PRAME: variants seen among roughly 807,000 people sequenced by gnomAD.
The protein encoded by PRAME is melanoma antigen preferentially expressed in tumors.
In PRAME, 21 loss-of-function variants were observed where a neutral mutation model predicts 32.1. That is an observed-to-expected ratio of 0.65 (90% CI 0.46 to 0.94). The LOEUF is 0.94. Among genes scored for constraint, PRAME ranks in the 40% least tolerant of loss-of-function variants. The pLI, the probability that PRAME is intolerant of heterozygous loss-of-function variation, is 0.00. For missense variants in PRAME, 651 were observed against 622.3 expected (o/e 1.05, Z -0.49); for synonymous variants, 274 against 251.5 (o/e 1.09, Z -0.85).
At position 22,550,879 on chromosome 22, in the gene PRAME, A is replaced by G. The variant is rs1387772708; in HGVS notation, c.232T>C (p.Phe78Leu). 1 of 1,613,818 alleles carries G rather than the reference A, an allele frequency of 6.2e-7. No homozygotes were observed. The change falls in exon 4 of 6, where the codon TTC becomes CTC. Residue 78 changes from phenylalanine (F) to leucine (L), a missense_variant. Phe to Leu is a conservative substitution (Grantham distance 22). Coordinates refer to ENST00000405655, the MANE Select transcript of PRAME (RefSeq NM_206956.3). ...AGCACTCCCAGAGGGAGGCAGGTGA[A>G]GGGCCAGGCCTGCACCATTGCCTTC... The part of the protein sequence containing the change: ...TLKAMVQAWP[F>L]TCLPLGVLMK...
chr22:22,549,784 G>A lies in PRAME; in HGVS notation c.895C>T (p.Gln299Ter), dbSNP rs1159779146. 1.2e-6 allele frequency: 2 copies of A among 1,613,740 alleles called. No individual in the cohort carries two copies. Among genetic ancestry groups the A allele is most frequent in the South Asian group, 1.1e-5 (1 of 91,052 alleles). ...AATAAAGAGTCCACATAGAGAGCCT[G>A]CAGGCACTGCAGACTGAGGAACTGA... ...TSQFLSLQCLQALYVDSLFFL... is the reference protein window; with the variant it reads ...TSQFLSLQCL Residue 299 changes from glutamine to a stop codon, truncating the protein, a stop_gained, in exon 5 of 6, where the codon CAG becomes TAG. Transcript: ENST00000405655. LOFTEE classifies it high-confidence loss of function.
Position 22,547,974 on chromosome 22 carries a change from G to C in PRAME, c.*93C>G. On this transcript the variant is annotated 3_prime_UTR_variant, in exon 6 of 6. Coordinates refer to ENST00000405655, the MANE Select transcript of PRAME (RefSeq NM_206956.3). ...CCTCACTCACACTGAACATTTGTCT[G>C]AAACTGTGGCTGCTTTGTTGCTTCA... 1 of 1,332,332 alleles carries C rather than the reference G, an allele frequency of 7.5e-7. No homozygotes were observed. The highest frequency in any genetic ancestry group is 1.0e-6 in the Non-Finnish European group (1 of 964,936). The allele number at this position is 1,332,332 out of a possible 1,614,324, so 82.5% of individuals were successfully genotyped here.
At chr22:22,556,980 G>C in intron 2 of PRAME, 71 bp from the exon 3 acceptor site, 2 of 1,018,138 alleles carry the variant, frequency 2.0e-6, no homozygotes, top group Non-Finnish European at 3.0e-6. Context: ...ACGGCCTCCT[G>C]TGAAAACCTC....
Position 22,549,720 on chromosome 22 carries a change from C to A in PRAME, c.953+6G>T. 1.9e-6 allele frequency: 3 copies of A among 1,590,288 alleles called. No individual in the cohort carries two copies. The highest frequency in any genetic ancestry group is 2.6e-6 in the Non-Finnish European group (3 of 1,171,064). ...TGGTCTGCAGAGAAATCTCACCATCCCTCACCTGAGCAACTGATCCAGGCG... is the reference window on the plus strand; with the variant it reads ...TGGTCTGCAGAGAAATCTCACCATCACTCACCTGAGCAACTGATCCAGGCG... On this transcript the variant is annotated splice_donor_region_variant and intron_variant, in intron 5 of 5. Transcript: ENST00000405655.
intron 3 of PRAME, 123 bp from the exon 4 acceptor site, chr22:22,551,212 A>G (rs1316955060): frequency 3.4e-6 from 3 of 873,814 alleles, no homozygotes; most frequent in Non-Finnish European, 5.2e-6. Context: ...ACAGCAGGGG[A>G]GTTCTCAGTT....
Position 22,559,051 on chromosome 22 carries a change from T to G in PRAME, c.-194A>C, listed in dbSNP as rs1490373300. 1.1e-5 allele frequency: 2 copies of G among 177,552 alleles called. No homozygotes were observed. The highest frequency in any genetic ancestry group is 6.5e-5 in the Admixed American group (1 of 15,300). 11.0% of individuals were successfully genotyped at this position (177,552 alleles called of 1,614,324 possible). The stretch of plus-strand genomic sequence containing the variant: ...GAGGCCCGCGCATGCTCCCCTCGAC[T>G]CCCCGTGTTTCCACTCTCCACAGAA... On this transcript the variant is annotated 5_prime_UTR_variant, in exon 1 of 6. Transcript: ENST00000405655.
chr22:22,547,998 C>T lies in PRAME; in HGVS notation c.*69G>A. On this transcript the variant is annotated 3_prime_UTR_variant, in exon 6 of 6. Coordinates refer to ENST00000405655, the MANE Select transcript of PRAME (RefSeq NM_206956.3). ...TGAAACTGTGGCTGCTTTGTTGCTT[C>T]AAGATGCATGCACATCCTGGCTTTA... is the stretch of plus-strand genomic sequence containing the variant. The T allele has an allele frequency of 6.8e-7, 1 of 1,474,474 alleles. No homozygotes were observed. The highest frequency in any genetic ancestry group is 9.2e-7 in the Non-Finnish European group (1 of 1,087,396). The allele number at this position is 1,474,474 out of a possible 1,614,324, so 91.3% of individuals were successfully genotyped here. A position where few individuals can be genotyped will look rare whatever the true frequency, so the allele number is the denominator to read the frequency against.
At position 22,548,587 on chromosome 22, in the gene PRAME, C is replaced by A; in HGVS notation, c.1010G>T (p.Gly337Val). The A allele has an allele frequency of 1.2e-6, 2 of 1,611,856 alleles. No homozygotes were observed. Among genetic ancestry groups the A allele is most frequent in the Middle Eastern group, 1.7e-4 (1 of 6,050 alleles). The change falls in exon 6 of 6, where the codon GGG (glycine) becomes GTG (valine). Residue 337 changes from glycine to valine, a missense_variant. Physicochemically the swap from Gly to Val is moderately radical, Grantham distance 109. Coordinates refer to ENST00000405655, the MANE Select transcript of PRAME (RefSeq NM_206956.3). ...LSITNCRLSEGDVMHLSQSPS... is the reference protein window; with the variant it reads ...LSITNCRLSEVDVMHLSQSPS... ...ACTCTGGGACAGATGCATCACATCC[C>A]CTTCCGAAAGCCGGCAGTTAGTTAT...
chr22:22,556,727 G>T, intron 3 of PRAME, 85 bp downstream of exon 3: 2 of 1,510,556 alleles, frequency 1.3e-6, no homozygotes, highest in Non-Finnish European at 1.8e-6. Flanking sequence ...ACCTCAGGAT[G>T]CAGCTCCCAT....
chr22:22,556,728 C>T, intron 3 of PRAME, 84 bp downstream of exon 3: 2 of 1,519,648 alleles, frequency 1.3e-6, no homozygotes, highest in Non-Finnish European at 1.8e-6. Context: ...CCTCAGGATG[C>T]AGCTCCCATC....
At position 22,550,982 on chromosome 22, in the gene PRAME, G is replaced by A. The variant is rs201072480; in HGVS notation, c.129C>T (p.Ala43=). ...SLLKDEALAI[A]ALELLPRELF... ...GCTCCCTGGGCAGCAACTCCAGGGC[G>A]GCAATGGCCAGGGCCTCATCCTTCA... The change falls in exon 4 of 6, where the codon GCC becomes GCT. Residue 43 remains alanine (A), a synonymous_variant. Transcript: ENST00000405655. The A allele has an allele frequency of 5.7e-5, 92 of 1,613,424 alleles. No homozygotes were observed. The African/African-American group carries it at 6.1e-4, about 11-fold the overall frequency.
rs2062480016 is a variant in PRAME, at chr22:22,550,136, C to G, written c.543G>C (p.Leu181=). The G allele has an allele frequency of 6.2e-7, 1 of 1,613,762 alleles. No individual in the cohort carries two copies. The highest frequency in any genetic ancestry group is 8.5e-7 in the Non-Finnish European group (1 of 1,179,982). ...CATCACAGGCACCTTCCTTGAGGAA[C>G]AGGTCTACGAGCACCTCTACTGGAA... ...PFIPVEVLVD[L]FLKEGACDEL... Residue 181 remains leucine (L), a synonymous_variant, in exon 5 of 6, where the codon CTG becomes CTC. Transcript: ENST00000405655.
chr22:22,552,342 T>G (rs2062632480), intron 3 of PRAME, among the ~76,000 whole-genome samples: 1 of 150,742 alleles, frequency 6.6e-6, no homozygotes, highest in Non-Finnish European at 1.5e-5. Flanking sequence ...AAATTATAAT[T>G]GCTTGCCACA....
At chr22:22,551,642 A>AAAAAAAAAC (rs10640028) in intron 3 of PRAME, among the ~76,000 whole-genome samples, 1 of 150,776 alleles carries the variant, frequency 6.6e-6, no homozygotes, top group Non-Finnish European at 1.5e-5. Context: ...AATAAAAAAA[A>AAAAAAAAAC]AACATTCTGA....
chr22:22,552,772 A>C lies in PRAME; in HGVS notation c.22-1683T>G, dbSNP rs550251432. The C allele has an allele frequency of 3.9e-5, 18 of 467,120 alleles. No individual in the cohort carries two copies. In the East Asian group the frequency reaches 7.0e-4, roughly 18 times the overall value. The allele number at this position is 467,120 out of a possible 1,614,324, so 28.9% of individuals were successfully genotyped here. A position where few individuals can be genotyped will look rare whatever the true frequency, so the allele number is the denominator to read the frequency against. ...GTGGAGACCCTGAGGTGACAGTAGA[A>C]GGAGGCAGTGGCCATAGCCTGAGGC... On this transcript the variant is annotated intron_variant, in intron 3 of 5. Transcript: ENST00000405655.
chr22:22,558,737 C>T (rs1318157878), intron 1 of PRAME, among the ~76,000 whole-genome samples: 2 of 151,270 alleles, frequency 1.3e-5, no homozygotes, highest in African/African-American at 2.4e-5. Context: ...ATCACGGAGA[C>T]GTCCAAGTCT....
chr22:22,555,922 C>T (rs139219466), intron 3 of PRAME: 336 of 469,974 alleles, frequency 7.1e-4, no homozygotes, highest in African/African-American at 5.9e-3. Flanking sequence ...TGGGCTTTTG[C>T]GTCTGATTAC....
intron 3 of PRAME, among the ~76,000 whole-genome samples, chr22:22,553,506 G>T (rs1405014553): frequency 6.6e-6 from 1 of 151,912 alleles, no homozygotes; most frequent in Non-Finnish European, 1.5e-5. Context: ...AAGGGGAATG[G>T]CTAAGGAAGA....
At chr22:22,551,388 A>T (rs1040865093) in intron 3 of PRAME, among the ~76,000 whole-genome samples, 3 of 151,914 alleles carry the variant, frequency 2.0e-5, no homozygotes, top group African/African-American at 7.3e-5. Flanking sequence ...GTGAGAACTA[A>T]GGAGCCTGAG....
Sources: allele counts gnomAD v4.1 joint callset (sites outside exome capture counted in the v4.1 genomes callset), GRCh38; gene constraint gnomAD v4.1.1; transcripts MANE v1.5; gene names NCBI Gene and HGNC (gene_info 2026-07-23, HGNC 2026-07-21).